Variants in APOL2 observed in about 807,000 individuals in gnomAD.
The protein encoded by APOL2 is apolipoprotein L2.
Under a neutral mutation model 7.1 loss-of-function variants are expected in APOL2, and 8 were observed. That is an observed-to-expected ratio of 1.12 (90% CI 0.66 to 2.03). The LOEUF (loss-of-function observed/expected upper bound fraction) is 2.03, where lower values mean the gene tolerates loss of function less well. Among genes scored for constraint, APOL2 ranks in the 30% most tolerant of loss-of-function variants. APOL2 has a pLI of 0.00. For missense variants in APOL2, 471 were observed against 415.1 expected (o/e 1.13, Z -1.17); for synonymous variants, 177 against 159.9 (o/e 1.11, Z -0.81).
intron 3 of APOL2, among the ~76,000 whole-genome samples, chr22:36,232,755 G>A (rs186910246): frequency 1.8e-4 from 27 of 152,136 alleles, no homozygotes; most frequent in Admixed American, 8.5e-4. Flanking sequence ...AAAAACCCTG[G>A]GTCAGCAGGG....
At chr22:36,237,292 C>T in intron 1 of APOL2, 2 of 1,351,824 alleles carry the variant, frequency 1.5e-6, no homozygotes, top group Non-Finnish European at 1.9e-6. Flanking sequence ...AGCTCTGAGC[C>T]AAGCTCTCCA....
upstream of APOL2, chr22:36,239,542 T>C: frequency 6.4e-7 from 1 of 1,573,586 alleles, no homozygotes; most frequent in Non-Finnish European, 8.6e-7. Context: ...AGACACGTCC[T>C]CCGGCCTCCC....
intron 1 of APOL2, chr22:36,237,057 G>A (rs377572667): frequency 1.7e-5 from 26 of 1,497,916 alleles, no homozygotes; most frequent in African/African-American, 9.8e-5. Flanking sequence ...CTGGGGCCTC[G>A]GACCTGCCCA....
Position 36,227,366 on chromosome 22 carries a change from C to T in APOL2, c.*38G>A, listed in dbSNP as rs755953641. ...AGTCTGCATTTTGTCCTGGCCTGTG[C>T]CCGGCATTTCTGCCCTGGTGGCTGC... is the stretch of plus-strand genomic sequence containing the variant. On this transcript the variant is annotated 3_prime_UTR_variant, in exon 5 of 5. Coordinates refer to ENST00000358502, the MANE Select transcript of APOL2 (RefSeq NM_030882.4). The T allele has an allele frequency of 4.5e-6, 7 of 1,541,848 alleles. No individual in the cohort carries two copies. The highest frequency in any genetic ancestry group is 6.1e-6 in the Non-Finnish European group (7 of 1,147,412).
intron 1 of APOL2, chr22:36,236,780 A>T (rs2015417817): frequency 4.6e-6 from 5 of 1,086,640 alleles, no homozygotes; most frequent in Non-Finnish European, 5.6e-6. Context: ...AGGCATCCAG[A>T]TATCTGTCTT....
chr22:36,237,943 G>A (rs1213863513), intron 1 of APOL2, among the ~76,000 whole-genome samples: 1 of 152,000 alleles, frequency 6.6e-6, no homozygotes, highest in Non-Finnish European at 1.5e-5. Flanking sequence ...GCCCTGGAAT[G>A]TCCCCCCCAC....
upstream of APOL2, chr22:36,239,657 G>T: frequency 1.5e-6 from 1 of 669,294 alleles, no homozygotes; most frequent in Non-Finnish European, 2.6e-6. Context: ...CTGCAGTCCA[G>T]GCCCAGCCTC....
rs1366431401 is a variant in APOL2 at position 36,227,623 on chromosome 22, GGCGGGGCCTTCA to G, written c.783_794del (p.Glu262_Ala265del). 5 of 1,614,236 alleles carry G rather than the reference GGCGGGGCCTTCA, an allele frequency of 3.1e-6. No homozygotes were observed. The highest frequency in any genetic ancestry group is 4.2e-6 in the Non-Finnish European group (5 of 1,180,046). ...TCATGGTTCCTCTGCTCATTGCCTG[GGCGGGGCCTTCA>G]ACAACCCTCTCAACCTGTTCACCGC... On this transcript the variant is annotated inframe_deletion, in exon 5 of 5. Transcript: ENST00000358502.
At position 36,231,480 on chromosome 22, in the gene APOL2, AG is replaced by A. The variant is rs59259957; in HGVS notation, c.11-15del. 1 of 1,612,220 alleles carries A rather than the reference AG, an allele frequency of 6.2e-7. No individual in the cohort carries two copies. On this transcript the variant is annotated splice_polypyrimidine_tract_variant and intron_variant, in intron 3 of 4. Transcript: ENST00000358502. Reference sequence around the variant, plus strand: ...AGATACTGCTCTCTAGTTGGAAAGAAGAAAGGATAAGGTTGGAGGATAGTGT... The same window carrying A: ...AGATACTGCTCTCTAGTTGGAAAGAAAAAGGATAAGGTTGGAGGATAGTGT...
Position 36,233,413 on chromosome 22 carries a change from T to A in APOL2, c.-91A>T. 2.6e-6 allele frequency: 4 copies of A among 1,552,054 alleles called. No individual in the cohort carries two copies. Among genetic ancestry groups the A allele is most frequent in the Non-Finnish European group, 3.5e-6 (4 of 1,148,366 alleles). On this transcript the variant is annotated 5_prime_UTR_variant, in exon 2 of 5. It adds an upstream start codon to the 5' untranslated region. Transcript: ENST00000358502. ...TTACAGAAACTCACCTCGTTCCAGCTTCCTCTTCCCTCACTCTCACACCAA... is the reference window on the plus strand; with the variant it reads ...TTACAGAAACTCACCTCGTTCCAGCATCCTCTTCCCTCACTCTCACACCAA...
chr22:36,236,617 C>T lies in APOL2; in HGVS notation c.-134+2824G>A, dbSNP rs370869035. 2.4e-3 allele frequency: 2,387 copies of T among 985,386 alleles called. 2 individuals carry two copies. The highest frequency in any genetic ancestry group is 2.7e-3 in the Non-Finnish European group (2,225 of 829,934). 61.0% of individuals were successfully genotyped at this position (985,386 alleles called of 1,614,324 possible). A position where few individuals can be genotyped will look rare whatever the true frequency, so the allele number is the denominator to read the frequency against. ...TCACCTTGTGTCTCTGCGCACTCCC[C>T]GGCACACCCACTTCCAGCAGCTGGT... On this transcript the variant is annotated intron_variant, in intron 1 of 4. Coordinates refer to ENST00000358502, the MANE Select transcript of APOL2 (RefSeq NM_030882.4).
At chr22:36,236,475 G>A in intron 1 of APOL2, 2 of 800,580 alleles carry the variant, frequency 2.5e-6, no homozygotes, top group South Asian at 5.6e-5. Flanking sequence ...AGGAGAGATA[G>A]AGGGAGTGTA....
intron 1 of APOL2, 133 bp downstream of exon 1, chr22:36,239,308 A>G: frequency 7.5e-7 from 1 of 1,329,172 alleles, no homozygotes; most frequent in Admixed American, 2.9e-5. Flanking sequence ...CGGCTCTGCC[A>G]CTGCTTTCCT....
Position 36,233,042 on chromosome 22 carries a change from A to T in APOL2, c.10+111T>A, listed in dbSNP as rs6000211. The T allele has an allele frequency of 2.6e-5, 30 of 1,136,556 alleles. No individual in the cohort carries two copies. In the African/African-American group the frequency reaches 4.4e-4, roughly 17 times the overall value. The allele number at this position is 1,136,556 out of a possible 1,614,324, so 70.4% of individuals were successfully genotyped here. A position where few individuals can be genotyped will look rare whatever the true frequency, so the allele number is the denominator to read the frequency against. On this transcript the variant is annotated intron_variant, in intron 3 of 4. Coordinates refer to ENST00000358502, the MANE Select transcript of APOL2 (RefSeq NM_030882.4). ...CTCTTCTGCTGCTCGGGGCAGACTC[A>T]TTGGCCTCCTAGTCCATCTGGGTTC...
intron 1 of APOL2, chr22:36,234,430 G>A (rs961467261): frequency 6.6e-6 from 1 of 152,224 alleles, no homozygotes; most frequent in Admixed American, 6.5e-5. Context: ...CCTGGCCTTA[G>A]GGGATCCTCC....
chr22:36,239,821 T>G, upstream of APOL2: 1 of 387,936 alleles, frequency 2.6e-6, no homozygotes, highest in South Asian at 3.1e-5. Flanking sequence ...GGGAGTTTTT[T>G]GAACCCATCT....
intron 1 of APOL2, chr22:36,237,313 A>G: frequency 7.4e-7 from 1 of 1,345,472 alleles, no homozygotes; most frequent in Non-Finnish European, 9.6e-7. Context: ...GATGCAGAGG[A>G]CAGGGACTCT....
In APOL2 at chr22:36,227,438, A is replaced by G. The variant is rs1203704198; in HGVS notation, c.980T>C (p.Ile327Thr). The G allele has an allele frequency of 2.5e-6, 4 of 1,610,352 alleles. No individual in the cohort carries two copies. The highest frequency in any genetic ancestry group is 1.3e-5 in the African/African-American group (1 of 74,558). Reference protein sequence around the residue: ...LEGKLNFLTKIHEMLQPGQDQ With the variant: ...LEGKLNFLTKTHEMLQPGQDQ ...TTGGCCTGGCTGCAGCATCTCATGG[A>G]TCTTGGTGAGAAAGTTGAGCTTCCC... Residue 327 changes from isoleucine (I) to threonine (T), a missense_variant, in exon 5 of 5, where the codon ATC becomes ACC. Transcript: ENST00000358502.
chr22:36,234,554 C>T (rs1375345012), intron 1 of APOL2, among the ~76,000 whole-genome samples: 2 of 152,164 alleles, frequency 1.3e-5, no homozygotes, highest in African/African-American at 2.4e-5. Context: ...GATTATCTTA[C>T]CCTGGGAGGT....
Sources: allele counts gnomAD v4.1 joint callset (sites outside exome capture counted in the v4.1 genomes callset), GRCh38; gene constraint gnomAD v4.1.1; transcripts MANE v1.5; gene names NCBI Gene and HGNC (gene_info 2026-07-23, HGNC 2026-07-21).